The following ITGA11 variants were observed in gnomAD, a reference collection of about 807,000 sequenced individuals.
The protein encoded by ITGA11 is integrin subunit alpha 11, also known as integrin alpha-11.
In ITGA11, 97 loss-of-function variants were observed where a neutral mutation model predicts 141.9. The observed-to-expected ratio is 0.68, with a 90% CI of 0.58 to 0.81. The LOEUF is 0.81. ITGA11 is among the 30% of genes least tolerant of loss of function. ITGA11 has a pLI of 0.00. For synonymous variants in ITGA11, 658 were observed against 624.6 expected (o/e 1.05, Z -0.80); for missense variants, 1,387 against 1,559.2 (o/e 0.89, Z 1.86).
intron 20 of ITGA11, among the ~76,000 whole-genome samples, chr15:68,318,919 C>A (rs1893694198): frequency 6.6e-6 from 1 of 152,234 alleles, no homozygotes; most frequent in African/African-American, 2.4e-5. Flanking sequence ...GTTTACTCAA[C>A]AAACTTGTCT....
intron 7 of ITGA11, among the ~76,000 whole-genome samples, chr15:68,353,910 C>T (rs946231883): frequency 5.9e-5 from 9 of 152,108 alleles, no homozygotes; most frequent in African/African-American, 2.2e-4. Context: ...CTCACTCACC[C>T]CCACCCACAC....
intron 1 of ITGA11, among the ~76,000 whole-genome samples, chr15:68,407,379 C>G (rs887847183): frequency 6.6e-6 from 1 of 152,206 alleles, no homozygotes; most frequent in Non-Finnish European, 1.5e-5. Context: ...CAAACCGAAC[C>G]AACCAGAGAG....
intron 10 of ITGA11, among the ~76,000 whole-genome samples, chr15:68,344,094 A>G (rs3784342): frequency 0.22 from 34,213 of 152,088 alleles, 4,039 homozygotes; most frequent in African/African-American, 0.27. Flanking sequence ...GCCTGAGGAT[A>G]TGGGGCCAGG....
intron 2 of ITGA11, among the ~76,000 whole-genome samples, chr15:68,377,557 C>T (rs1378620355): frequency 6.6e-6 from 1 of 152,200 alleles, no homozygotes. Flanking sequence ...CAGGCGTGAG[C>T]CACTGCGCCT....
chr15:68,323,213 T>C (rs944477751), intron 18 of ITGA11, among the ~76,000 whole-genome samples: 1 of 152,158 alleles, frequency 6.6e-6, no homozygotes, highest in Non-Finnish European at 1.5e-5. Flanking sequence ...AGCGAAGCCA[T>C]ATCCAGGGGT....
At chr15:68,334,107 C>T (rs568456669) in intron 12 of ITGA11, among the ~76,000 whole-genome samples, 5 of 152,356 alleles carry the variant, frequency 3.3e-5, no homozygotes, top group East Asian at 1.9e-4. Flanking sequence ...CACCAGCCCC[C>T]ACTCCCTCTG....
At position 68,305,710 on chromosome 15, in the gene ITGA11, C is replaced by G. The variant is rs1262648693; in HGVS notation, c.3381+1638G>C. On this transcript the variant is annotated intron_variant, in intron 28 of 29. Coordinates refer to ENST00000315757, the MANE Select transcript of ITGA11 (RefSeq NM_001004439.2). This position sits in a 1 kb window ranked among gnomAD's most constrained non-coding sequence, Gnocchi z 4.6. ...AGATGGGGGTGGGGACAGTGCCTCACAGTGTTGAGAGGTCTGTCACCATGT... is the reference window on the plus strand; with the variant it reads ...AGATGGGGGTGGGGACAGTGCCTCAGAGTGTTGAGAGGTCTGTCACCATGT... Among the ~76,000 whole-genome samples, 1 of 152,154 alleles carries G rather than the reference C, an allele frequency of 6.6e-6. No individual in the cohort carries two copies. Among genetic ancestry groups the G allele is most frequent in the East Asian group, 1.9e-4 (1 of 5,192 alleles).
At chr15:68,365,834 C>G (rs909657744) in intron 3 of ITGA11, among the ~76,000 whole-genome samples, 1 of 151,824 alleles carries the variant, frequency 6.6e-6, no homozygotes. Context: ...CTCCCAGGTT[C>G]GAGCAATGGG....
rs771541887 is a variant in ITGA11 at position 68,331,123 on chromosome 15, G to T, written c.1771-12C>A. 6.3e-7 allele frequency: 1 copy of T among 1,580,450 alleles called. No homozygotes were observed. The highest frequency in any genetic ancestry group is 2.3e-5 in the East Asian group (1 of 43,104). ...GAGGCTGTGATTCTCTGCAGGGCGC[G>T]GGAAGAGAGGGGGAGGGCATGCACA... is the stretch of plus-strand genomic sequence containing the variant. On this transcript the variant is annotated splice_polypyrimidine_tract_variant and intron_variant, in intron 14 of 29. Transcript: ENST00000315757.
chr15:68,392,777 C>T (rs1179979197), intron 2 of ITGA11, among the ~76,000 whole-genome samples: 1 of 152,062 alleles, frequency 6.6e-6, no homozygotes, highest in African/African-American at 2.4e-5. Context: ...AATCTATGCT[C>T]TAAGAGTAAA....
At chr15:68,369,354 G>A (rs1166904905) in intron 2 of ITGA11, 70 bp from the exon 3 acceptor site, 1 of 938,468 alleles carries the variant, frequency 1.1e-6, no homozygotes, top group African/African-American at 1.6e-5. Context: ...ATGGAGCCTG[G>A]TGGGCAGTGT....
intron 10 of ITGA11, among the ~76,000 whole-genome samples, chr15:68,341,559 C>A (rs1894570109): frequency 6.6e-6 from 1 of 152,238 alleles, no homozygotes. Context: ...AAGAAAACAT[C>A]TATCTGTTTC....
At chr15:68,323,501 A>G (rs1387468948) in intron 18 of ITGA11, among the ~76,000 whole-genome samples, 1 of 152,230 alleles carries the variant, frequency 6.6e-6, no homozygotes, top group African/African-American at 2.4e-5. Flanking sequence ...GTATTAGAAC[A>G]GCGCTGGGCA....
At chr15:68,377,075 C>T (rs749713974) in intron 2 of ITGA11, among the ~76,000 whole-genome samples, 13 of 152,188 alleles carry the variant, frequency 8.5e-5, no homozygotes, top group African/African-American at 1.7e-4. Context: ...GACCATCTAG[C>T]GCACCCAGAT....
chr15:68,384,389 A>G (rs4776403), intron 2 of ITGA11, among the ~76,000 whole-genome samples: 100,048 of 151,972 alleles, frequency 0.66, 34,543 homozygotes, highest in South Asian at 0.76. Flanking sequence ...AGTGCCCCAG[A>G]CTTCGCTCTT....
chr15:68,313,334 G>A (rs1443607821), intron 23 of ITGA11, among the ~76,000 whole-genome samples: 2 of 151,998 alleles, frequency 1.3e-5, no homozygotes, highest in Admixed American at 6.5e-5. Flanking sequence ...AAGGGGGTGG[G>A]GGTGGGAGCA....
chr15:68,424,337 T>C (rs772946285), intron 1 of ITGA11, among the ~76,000 whole-genome samples: 1 of 152,120 alleles, frequency 6.6e-6, no homozygotes, highest in Non-Finnish European at 1.5e-5. Context: ...TTACCACTGG[T>C]GTTGTGTGAC....
intron 1 of ITGA11, among the ~76,000 whole-genome samples, chr15:68,403,807 A>G (rs1595893588): frequency 1.3e-5 from 2 of 151,506 alleles, no homozygotes; most frequent in East Asian, 1.9e-4. Context: ...GTCGATTTTT[A>G]TTTATTTTTT....
chr15:68,376,152 C>T (rs1391725472), intron 2 of ITGA11, among the ~76,000 whole-genome samples: 4 of 152,054 alleles, frequency 2.6e-5, no homozygotes, highest in Non-Finnish European at 5.9e-5. Flanking sequence ...GGCTCAAAGC[C>T]CCAGATCCAT....
Sources: gnomAD v4.1 joint callset for allele counts (sites outside exome capture counted in the v4.1 genomes callset) on GRCh38, gnomAD v4.1.1 for gene constraint, Gnocchi (gnomAD v3.1) non-coding constraint, MANE v1.5 for transcripts, NCBI Gene and HGNC (gene_info 2026-07-23, HGNC 2026-07-21) for gene names.